ATG9B: variants seen among roughly 807,000 people sequenced by gnomAD.
ATG9B encodes autophagy related 9B.
Under a neutral mutation model 92.9 loss-of-function variants are expected in ATG9B, and 92 were observed. That is an observed-to-expected ratio of 0.99 (90% CI 0.84 to 1.18). The LOEUF (loss-of-function observed/expected upper bound fraction) is 1.18. Ranked by LOEUF, ATG9B falls within the 50% of genes most tolerant of loss-of-function variation. The pLI is 0.00. For synonymous variants in ATG9B, 599 were observed against 551.4 expected, an observed-to-expected ratio of 1.09 and a Z score of -1.21; for missense variants, 1,344 against 1,235.0, an observed-to-expected ratio of 1.09 and a Z score of -1.32.
At chr7:151,021,457 A>G (rs2117171743) in intron 4 of ATG9B, 128 bp from the exon 5 acceptor site, 2 of 1,331,090 alleles carry the variant, frequency 1.5e-6, no homozygotes, top group East Asian at 2.6e-5. Flanking sequence ...CTCTCAAGGT[A>G]GAGCCCGGGG....
At chr7:151,013,508 A>G, downstream of ATG9B, 5 of 1,250,414 alleles carry the variant, frequency 4.0e-6, no homozygotes, top group Non-Finnish European at 5.4e-6. Context: ...ACCCCTGCAC[A>G]CTCTGGCCCA....
chr7:151,024,052 C>T lies in ATG9B; in HGVS notation c.372G>A (p.Pro124=), dbSNP rs368831068. Residue 124 remains proline (P), a synonymous_variant, in exon 1 of 14, where the codon CCG becomes CCA. Transcript: ENST00000639579. ...ACTGCTGTGAGGGAGTGGGGGTTGC[C>T]GGGGCCAGGGGTGGGGTGGAGTGGG... ...WGSHSTPPLA[P]ATPTPSQQCP... is the part of the protein sequence containing the mutation. 5.0e-5 allele frequency: 74 copies of T among 1,466,768 alleles called. No homozygotes were observed. Among genetic ancestry groups the T allele is most frequent in the South Asian group, 9.4e-5 (8 of 85,128 alleles). 90.9% of individuals were successfully genotyped at this position (1,466,768 alleles called of 1,614,324 possible).
intron 4 of ATG9B, 68 bp from the exon 5 acceptor site, chr7:151,021,397 GGGA>G: frequency 7.4e-6 from 11 of 1,492,046 alleles, no homozygotes; most frequent in Non-Finnish European, 9.8e-6. Context: ...ACCAGACTTC[GGGA>G]GTGAGGAAAA....
chr7:151,016,179 C>A lies in ATG9B; in HGVS notation c.2577G>T (p.Leu859=). The change falls in exon 12 of 14, where the codon CTG becomes CTT. Residue 859 remains leucine, a synonymous_variant. Coordinates refer to ENST00000639579, the MANE Select transcript of ATG9B (RefSeq NM_001317056.2). Reference sequence around the variant, plus strand: ...GTGAGGGGCTGGAGCAGGGCCTGGACAGGATGGAGGCTGCAGCCTCACCCC... The same window carrying A: ...GTGAGGGGCTGGAGCAGGGCCTGGAAAGGATGGAGGCTGCAGCCTCACCCC... ...EPWGEAAASI[L]SRPCSSPSQP... 6.5e-7 allele frequency: 1 copy of A among 1,532,790 alleles called. No homozygotes were observed. 94.9% of individuals were successfully genotyped at this position (1,532,790 alleles called of 1,614,324 possible). A position where few individuals can be genotyped will look rare whatever the true frequency, so the allele number is the denominator to read the frequency against.
chr7:151,018,511 G>C lies in ATG9B; in HGVS notation c.1719-64C>G. 1 of 1,523,766 alleles carries C rather than the reference G, an allele frequency of 6.6e-7. No individual in the cohort carries two copies. The highest frequency in any genetic ancestry group is 8.8e-7 in the Non-Finnish European group (1 of 1,137,646). 94.4% of individuals were successfully genotyped at this position (1,523,766 alleles called of 1,614,324 possible). A position where few individuals can be genotyped will look rare whatever the true frequency, so the allele number is the denominator to read the frequency against. On this transcript the variant is annotated intron_variant, in intron 6 of 13. Coordinates refer to ENST00000639579, the MANE Select transcript of ATG9B (RefSeq NM_001317056.2). The surrounding 1 kb of genome is among the most constrained non-coding windows in gnomAD (Gnocchi z 4.7). ...TAGGAGGACGCGCGGTGGGATGTAG[G>C]GCTAGAGGGCCCCAGTGGTGGGAGA...
intron 4 of ATG9B, among the ~76,000 whole-genome samples, chr7:151,021,569 T>C (rs1795748712): frequency 6.6e-6 from 1 of 152,122 alleles, no homozygotes; most frequent in Non-Finnish European, 1.5e-5. Context: ...ACTCTGAGAG[T>C]ACAGTGGAGT....
In ATG9B at chr7:151,018,548, G is replaced by A. The variant is rs1044401972; in HGVS notation, c.1718+72C>T. The A allele has an allele frequency of 6.3e-5, 96 of 1,534,352 alleles. No homozygotes were observed. In the African/African-American group the frequency reaches 1.3e-3, roughly 21 times the overall value. ...CCAGTGGTGGGAGAGGTAAGGATTCGGGGGGAACCTCACATGGCCCCAGAT... is the reference window on the plus strand; with the variant it reads ...CCAGTGGTGGGAGAGGTAAGGATTCAGGGGGAACCTCACATGGCCCCAGAT... On this transcript the variant is annotated intron_variant, in intron 6 of 13. Coordinates refer to ENST00000639579, the MANE Select transcript of ATG9B (RefSeq NM_001317056.2). The surrounding 1 kb of genome is among the most constrained non-coding windows in gnomAD (Gnocchi z 4.7).
downstream of ATG9B, chr7:151,014,609 T>TG (rs1156946382): frequency 3.8e-5 from 6 of 156,424 alleles, 1 homozygote; most frequent in African/African-American, 1.2e-4. Context: ...AGTTTTTTTT[T>TG]TTTGTTTTTT....
intron 4 of ATG9B, among the ~76,000 whole-genome samples, chr7:151,021,806 C>A (rs1172245817): frequency 6.6e-6 from 1 of 150,650 alleles, no homozygotes; most frequent in East Asian, 2.0e-4. Context: ...CCCGCCACCA[C>A]ACCTGGCTAA....
chr7:151,024,141 C>G lies in ATG9B; in HGVS notation c.283G>C (p.Ala95Pro). The change falls in exon 1 of 14, where the codon GCC becomes CCC. Residue 95 changes from alanine to proline, a missense_variant. Physicochemically the swap from Ala to Pro is conservative, Grantham distance 27 (BLOSUM62 -1). Transcript: ENST00000639579. ...GGTTGAGCCTGTGTTGGGGGGGTGG[C>G]TGGGATAGGGAGAGCACTGTGGCAA... ...QSCHSALPIP[A>P]TPPTQAQPAM... is the part of the protein sequence containing the mutation. 1 of 1,585,206 alleles carries G rather than the reference C, an allele frequency of 6.3e-7. No homozygotes were observed. Among genetic ancestry groups the G allele is most frequent in the Non-Finnish European group, 8.6e-7 (1 of 1,164,756 alleles).
rs1215121326 is a variant in ATG9B, at chr7:151,016,017, C to CT, written c.2653dup (p.Ser885LysfsTer5). On this transcript the variant is annotated frameshift_variant, in exon 13 of 14. Transcript: ENST00000639579. LOFTEE classifies it high-confidence loss of function. Reference sequence around the variant, plus strand: ...CTGTTGTCTGGGGCTAGAGGCAGGACTGGAGCCTGGTGAAAAAGGCCATCA... The same window carrying CT: ...CTGTTGTCTGGGGCTAGAGGCAGGACTTGGAGCCTGGTGAAAAAGGCCATCA... 3.2e-6 allele frequency: 5 copies of CT among 1,551,480 alleles called. No individual in the cohort carries two copies. The East Asian group carries it at 1.2e-4, about 38-fold the overall frequency.
downstream of ATG9B, chr7:151,013,873 C>T (rs753475124): frequency 1.0e-5 from 16 of 1,602,550 alleles, no homozygotes; most frequent in South Asian, 5.6e-5. Flanking sequence ...CGACGGAGGG[C>T]GACATGGAGC....
chr7:151,017,262 G>A lies in ATG9B; in HGVS notation c.2063C>T (p.Ala688Val), dbSNP rs778559460. Residue 688 changes from alanine to valine, a missense_variant, in exon 9 of 14, where the codon GCG (alanine) becomes GTG (valine). Physicochemically the swap from Ala to Val is moderately conservative, Grantham distance 64. Transcript: ENST00000639579. Reference sequence around the variant, plus strand: ...AGACAGCGAGGCCTCAGTCTGTCCCGCCGAGAGCCACTGTGAGCAAGGACA... The same window carrying A: ...AGACAGCGAGGCCTCAGTCTGTCCCACCGAGAGCCACTGTGAGCAAGGACA... ...KRHGHPQWLS[A>V]GQTEASLSQR... 11 of 1,591,964 alleles carry A rather than the reference G, an allele frequency of 6.9e-6. No individual in the cohort carries two copies. Among genetic ancestry groups the A allele is most frequent in the East Asian group, 4.5e-5 (2 of 44,542 alleles).
Position 151,016,826 on chromosome 7 carries a change from G to A in ATG9B, c.2290-5C>T. On this transcript the variant is annotated splice_region_variant and splice_polypyrimidine_tract_variant and intron_variant, in intron 9 of 13. Transcript: ENST00000639579. ...GTTGGCCAGGAAGGCCTCAGGCTGG[G>A]TGCAAGAGGAGAGGGAAAGCCAAAG... 5 of 1,600,888 alleles carry A rather than the reference G, an allele frequency of 3.1e-6. No individual in the cohort carries two copies. In the South Asian group the frequency reaches 5.6e-5, roughly 18 times the overall value.
Position 151,016,143 on chromosome 7 carries a change from C to T in ATG9B, c.2613G>A (p.Ser871=), listed in dbSNP as rs3918218. 3,297 of 1,540,508 alleles carry T rather than the reference C, an allele frequency of 2.1e-3. 52 individuals carry two copies. In the African/African-American group the frequency reaches 0.035, roughly 16 times the overall value. Reference sequence around the variant, plus strand: ...ACCAGGATGGCTTCTCCTCATCAGGCGAGGGTGGCTGTGAGGGGCTGGAGC... The same window carrying T: ...ACCAGGATGGCTTCTCCTCATCAGGTGAGGGTGGCTGTGAGGGGCTGGAGC... ...RPCSSPSQPP[S]PDEEKPSWSS... is the part of the protein sequence containing the mutation. Residue 871 remains serine (S), a synonymous_variant, in exon 12 of 14, where the codon TCG becomes TCA. Transcript: ENST00000639579.
Position 151,021,188 on chromosome 7 carries a change from CG to C in ATG9B, c.962del (p.Pro321ArgfsTer4), listed in dbSNP as rs1563260326. The C allele has an allele frequency of 6.2e-7, 1 of 1,613,188 alleles. No homozygotes were observed. Among genetic ancestry groups the C allele is most frequent in the Non-Finnish European group, 8.5e-7 (1 of 1,179,814 alleles). On this transcript the variant is annotated frameshift_variant and splice_region_variant, in exon 5 of 14. Transcript: ENST00000639579. LOFTEE classifies it high-confidence loss of function. ...GCACAGACACAGCCACCCAGCTCAC[CG>C]GGGGGATGTGCAGGGCCTCCCTGTA... ...VFYREALHIPPEELSSVPWAE... is the reference protein window; with the variant it reads ...VFYREALHIPXEELSSVPWAE...
rs150609992 is a variant in ATG9B at position 151,021,464 on chromosome 7, G to T, written c.822-135C>A. 3,613 of 1,248,626 alleles carry T rather than the reference G, an allele frequency of 2.9e-3. 70 individuals carry two copies. The African/African-American group carries it at 0.046, about 16-fold the overall frequency. 77.3% of individuals were successfully genotyped at this position (1,248,626 alleles called of 1,614,324 possible). A position where few individuals can be genotyped will look rare whatever the true frequency, so the allele number is the denominator to read the frequency against. On this transcript the variant is annotated intron_variant, in intron 4 of 13. Coordinates refer to ENST00000639579, the MANE Select transcript of ATG9B (RefSeq NM_001317056.2). The stretch of plus-strand genomic sequence containing the variant: ...ACCAGCAGCTCTCAAGGTAGAGCCC[G>T]GGGCAGGGGGTGGGTGCTGAAGTGG...
rs1416388495 is a variant in ATG9B at position 151,018,784 on chromosome 7, C to A, written c.1554G>T (p.Ala518=). 1.5e-6 allele frequency: 2 copies of A among 1,376,032 alleles called. No individual in the cohort carries two copies. The highest frequency in any genetic ancestry group is 6.1e-5 in the East Asian group (2 of 32,608). 85.2% of individuals were successfully genotyped at this position (1,376,032 alleles called of 1,614,324 possible). Residue 518 remains alanine (A), a synonymous_variant, in exon 6 of 14, where the codon GCG becomes GCT. Transcript: ENST00000639579. This position sits in a 1 kb window ranked among gnomAD's most constrained non-coding sequence, Gnocchi z 4.7. ...GCAGCGTGCGCAGGGGCGCGGGGGG[C>A]GCAGCGGTGCGCAGGAAGGCGGCGG... The part of the protein sequence containing the change: ...RPAAAFLRTA[A]PPAPLRTLLA...
downstream of ATG9B, chr7:151,014,309 T>C (rs1795392149): frequency 2.1e-6 from 2 of 930,666 alleles, no homozygotes; most frequent in Non-Finnish European, 1.6e-6. Context: ...TTCAGCATTA[T>C]TCCTCCAGGA....
Sources: allele counts gnomAD v4.1 joint callset (sites outside exome capture counted in the v4.1 genomes callset), GRCh38; gene constraint gnomAD v4.1.1; non-coding constraint Gnocchi (gnomAD v3.1); transcripts MANE v1.5; gene names NCBI Gene and HGNC (gene_info 2026-07-23, HGNC 2026-07-21).